Variants in TBC1D32 observed in about 807,000 individuals in gnomAD.
TBC1D32 encodes protein broad-minded.
In TBC1D32, 151 loss-of-function variants were observed where a neutral mutation model predicts 170.3. The ratio of observed to expected loss-of-function variants is 0.89; its 90% confidence interval spans 0.78 to 1.01. The LOEUF (loss-of-function observed/expected upper bound fraction) is 1.01, where lower values mean the gene tolerates loss of function less well. Among genes scored for constraint, TBC1D32 ranks in the 50% least tolerant of loss-of-function variants. The probability of loss-of-function intolerance (pLI) is 0.00; values close to 1 mark genes in which losing one functional copy is unlikely to be tolerated. For synonymous variants in TBC1D32, 498 were observed against 488.0 expected (o/e 1.02, Z -0.27); for missense variants, 1,464 against 1,457.1 (o/e 1.00, Z -0.08).
intron 3 of TBC1D32, among the ~76,000 whole-genome samples, chr6:121,313,871 A>G (rs753172092): frequency 5.3e-5 from 8 of 152,154 alleles, no homozygotes; most frequent in Non-Finnish European, 1.2e-4. Flanking sequence ...CACCAAAAAG[A>G]GCATTGTAGA....
At position 121,131,608 on chromosome 6, in the gene TBC1D32, A is replaced by G. The variant is rs1358726508; in HGVS notation, c.2899+19T>C. ...ATTTTCATACATAAGAAAACCCACA[A>G]TGGAAACAATGTACTTACCCTCTCC... is the stretch of plus-strand genomic sequence containing the variant. On this transcript the variant is annotated intron_variant, in intron 25 of 31. Coordinates refer to ENST00000398212, the MANE Select transcript of TBC1D32 (RefSeq NM_152730.6). The G allele has an allele frequency of 5.0e-6, 8 of 1,592,672 alleles. No homozygotes were observed. Among genetic ancestry groups the G allele is most frequent in the Non-Finnish European group, 6.8e-6 (8 of 1,170,218 alleles).
chr6:121,110,067 C>G (rs570460887), intron 29 of TBC1D32, among the ~76,000 whole-genome samples: 4 of 151,576 alleles, frequency 2.6e-5, no homozygotes, highest in African/African-American at 4.8e-5. Context: ...CTGGCTAACA[C>G]GGTGAAACCT....
At chr6:121,321,551 C>G in intron 2 of TBC1D32, 82 bp downstream of exon 2, 1 of 1,312,392 alleles carries the variant, frequency 7.6e-7, no homozygotes, top group Non-Finnish European at 1.1e-6. Context: ...GGGAAATAGA[C>G]TGTGAGGGAC....
intron 20 of TBC1D32, among the ~76,000 whole-genome samples, chr6:121,233,165 G>A (rs577229462): frequency 2.6e-5 from 4 of 152,190 alleles, no homozygotes; most frequent in African/African-American, 4.8e-5. Flanking sequence ...ATGTGTTGAT[G>A]AAAGAATGTA....
chr6:121,262,766 G>A (rs1042648619), intron 15 of TBC1D32, among the ~76,000 whole-genome samples: 3 of 152,056 alleles, frequency 2.0e-5, no homozygotes, highest in Admixed American at 2.0e-4. Context: ...CATGAGCTAT[G>A]GCACCCAGCC....
intron 30 of TBC1D32, among the ~76,000 whole-genome samples, chr6:121,102,738 T>C (rs1582782437): frequency 6.6e-6 from 1 of 152,048 alleles, no homozygotes; most frequent in East Asian, 1.9e-4. Context: ...AATTGACAAA[T>C]GGGATCTAAT....
chr6:121,141,216 A>C (rs1170235023), intron 24 of TBC1D32, among the ~76,000 whole-genome samples: 1 of 152,144 alleles, frequency 6.6e-6, no homozygotes, highest in East Asian at 1.9e-4. Flanking sequence ...AAGAGAAGAA[A>C]TATATTTTAG....
chr6:121,153,668 C>T (rs62443138), intron 24 of TBC1D32, among the ~76,000 whole-genome samples: 15 of 152,236 alleles, frequency 9.9e-5, no homozygotes, highest in South Asian at 4.1e-4. Context: ...GGGGCTGCTG[C>T]CTTTCTTTCA....
intron 15 of TBC1D32, among the ~76,000 whole-genome samples, chr6:121,265,992 C>A (rs9490150): frequency 6.6e-6 from 1 of 152,188 alleles, no homozygotes; most frequent in Admixed American, 6.5e-5. Context: ...CTAGACAATA[C>A]CATTCAGGAC....
chr6:121,226,505 C>G (rs982977714), intron 20 of TBC1D32, among the ~76,000 whole-genome samples: 4 of 151,994 alleles, frequency 2.6e-5, no homozygotes, highest in Non-Finnish European at 5.9e-5. Context: ...AAATAGAATG[C>G]TCTAAAGAAA....
rs912391951 is a variant in TBC1D32 at position 121,093,874 on chromosome 6, C to T, written c.3466-2833G>A. ...GTGCTATATAAATGTTATTTTATAACAAAGGTATAGATGTTATTATTTAAC... is the reference window on the plus strand; with the variant it reads ...GTGCTATATAAATGTTATTTTATAATAAAGGTATAGATGTTATTATTTAAC... On this transcript the variant is annotated intron_variant, in intron 30 of 31. Coordinates refer to ENST00000398212, the MANE Select transcript of TBC1D32 (RefSeq NM_152730.6). 2.6e-5 allele frequency among the ~76,000 whole-genome samples: 4 copies of T among 151,938 alleles called. No individual in the cohort carries two copies. In the East Asian group the frequency reaches 7.7e-4, roughly 29 times the overall value.
intron 26 of TBC1D32, among the ~76,000 whole-genome samples, chr6:121,115,955 T>G (rs1582834143): frequency 1.3e-5 from 2 of 152,290 alleles, no homozygotes; most frequent in East Asian, 1.9e-4. Flanking sequence ...TTGAGAACAG[T>G]AGAGGACCAA....
chr6:121,257,138 T>A (rs1799147782), intron 15 of TBC1D32, among the ~76,000 whole-genome samples: 1 of 152,220 alleles, frequency 6.6e-6, no homozygotes, highest in South Asian at 2.1e-4. Flanking sequence ...ATAACTACTT[T>A]ACCATGGTGT....
chr6:121,325,997 G>A (rs768697748), intron 1 of TBC1D32, among the ~76,000 whole-genome samples: 3 of 152,096 alleles, frequency 2.0e-5, no homozygotes, highest in Admixed American at 6.5e-5. Flanking sequence ...AGACATTTAC[G>A]CAGCCAACAA....
intron 17 of TBC1D32, among the ~76,000 whole-genome samples, chr6:121,246,016 T>C (rs1210604130): frequency 6.6e-6 from 1 of 152,186 alleles, no homozygotes; most frequent in Non-Finnish European, 1.5e-5. Context: ...TATTGGGTAT[T>C]ACATCTACTC....
intron 2 of TBC1D32, 24 bp downstream of exon 2, chr6:121,321,609 A>G (rs1187622603): frequency 1.2e-6 from 2 of 1,600,012 alleles, no homozygotes; most frequent in Admixed American, 1.7e-5. Flanking sequence ...GGTTATTTGA[A>G]GATATTATTA....
At chr6:121,321,206 T>C (rs1809652690) in intron 2 of TBC1D32, among the ~76,000 whole-genome samples, 1 of 152,176 alleles carries the variant, frequency 6.6e-6, no homozygotes, top group South Asian at 2.1e-4. Flanking sequence ...TCAATTAACC[T>C]AGACCCCAAA....
chr6:121,149,900 T>G (rs912278027), intron 24 of TBC1D32, among the ~76,000 whole-genome samples: 1 of 152,228 alleles, frequency 6.6e-6, no homozygotes, highest in Non-Finnish European at 1.5e-5. Context: ...CATGGAATGT[T>G]TTTCCATTCG....
intron 15 of TBC1D32, among the ~76,000 whole-genome samples, chr6:121,274,535 A>C (rs551578648): frequency 6.6e-6 from 1 of 152,120 alleles, no homozygotes; most frequent in East Asian, 1.9e-4. Flanking sequence ...AAGAAATCCA[A>C]CTATTTTCCC....
Sources: gnomAD v4.1 joint callset for allele counts (sites outside exome capture counted in the v4.1 genomes callset) on GRCh38, gnomAD v4.1.1 for gene constraint, MANE v1.5 for transcripts, NCBI Gene and HGNC (gene_info 2026-07-23, HGNC 2026-07-21) for gene names.